TMEM9: variants seen among roughly 807,000 people sequenced by gnomAD.
The protein encoded by TMEM9 is transmembrane protein 9, also known as proton-transporting V-type ATPase complex assembly regulator TMEM9.
A neutral mutation model predicts 22.8 loss-of-function variants in TMEM9; 13 were observed. The observed-to-expected ratio is 0.57, with a 90% CI of 0.37 to 0.91. The LOEUF is 0.91. Among genes scored for constraint, TMEM9 ranks in the 40% least tolerant of loss-of-function variants. The pLI is 0.01. For missense variants in TMEM9, 182 were observed against 238.1 expected (o/e 0.76, Z 1.55); for synonymous variants, 88 against 93.0 (o/e 0.95, Z 0.31).
intron 4 of TMEM9, among the ~76,000 whole-genome samples, chr1:201,141,126 A>G (rs2102235115): frequency 6.6e-6 from 1 of 152,236 alleles, no homozygotes; most frequent in South Asian, 2.1e-4. Flanking sequence ...TAACACAACG[A>G]GAAGGGTAAC....
At chr1:201,148,544 TTC>T (rs1262734306) in intron 2 of TMEM9, among the ~76,000 whole-genome samples, 1 of 152,244 alleles carries the variant, frequency 6.6e-6, no homozygotes, top group East Asian at 1.9e-4. Context: ...GCCCGTTCTC[TTC>T]TCTTTGAGAT....
chr1:201,143,520 A>G (rs1664705019), intron 4 of TMEM9, among the ~76,000 whole-genome samples: 1 of 152,184 alleles, frequency 6.6e-6, no homozygotes, highest in African/African-American at 2.4e-5. Context: ...TATCATGTGT[A>G]TCTATGTGTG....
intron 4 of TMEM9, among the ~76,000 whole-genome samples, chr1:201,138,384 T>G (rs1664195004): frequency 6.6e-6 from 1 of 152,194 alleles, no homozygotes; most frequent in Admixed American, 6.5e-5. Flanking sequence ...AATAGTCTGA[T>G]TAAAAGGTAT....
chr1:201,151,248 G>A (rs1333727273), intron 2 of TMEM9, among the ~76,000 whole-genome samples: 1 of 152,118 alleles, frequency 6.6e-6, no homozygotes, highest in Non-Finnish European at 1.5e-5. Flanking sequence ...AATGAATTCT[G>A]GGTTATTCTT....
chr1:201,157,466 A>G (rs1316088126), upstream of TMEM9, among the ~76,000 whole-genome samples: 1 of 152,294 alleles, frequency 6.6e-6, no homozygotes, highest in East Asian at 1.9e-4. Flanking sequence ...TTGCAGCCCA[A>G]TCTTTGAGGC....
chr1:201,144,676 G>A (rs981903775), intron 3 of TMEM9: 1 of 152,200 alleles, frequency 6.6e-6, no homozygotes, highest in Non-Finnish European at 1.5e-5. Flanking sequence ...GGGTGCTCTG[G>A]GATTTTGGGT....
At chr1:201,142,795 C>A (rs1664644392) in intron 4 of TMEM9, among the ~76,000 whole-genome samples, 1 of 152,242 alleles carries the variant, frequency 6.6e-6, no homozygotes, top group Non-Finnish European at 1.5e-5. Flanking sequence ...GCAGCCCGCT[C>A]TGCTGTCTCA....
intron 2 of TMEM9, among the ~76,000 whole-genome samples, chr1:201,148,292 G>A (rs1038576802): frequency 2.0e-5 from 3 of 152,192 alleles, no homozygotes; most frequent in Admixed American, 6.5e-5. Context: ...CCTCAGTGGG[G>A]CCTGGGCTGG....
intron 4 of TMEM9, among the ~76,000 whole-genome samples, chr1:201,140,083 G>C (rs1007704801): frequency 6.6e-6 from 1 of 152,248 alleles, no homozygotes; most frequent in African/African-American, 2.4e-5. Flanking sequence ...TGTGCAGACA[G>C]GAGGGGAGAC....
chr1:201,152,090 A>G (rs1393821889), intron 1 of TMEM9, among the ~76,000 whole-genome samples: 1 of 152,198 alleles, frequency 6.6e-6, no homozygotes, highest in South Asian at 2.1e-4. Context: ...AGACTCACAG[A>G]AAGTTGTCTA....
chr1:201,137,159 G>A (rs1185289413), intron 4 of TMEM9, among the ~76,000 whole-genome samples: 2 of 152,244 alleles, frequency 1.3e-5, no homozygotes, highest in East Asian at 1.9e-4. Flanking sequence ...CTCAGGCAAC[G>A]CCTGAAAGGC....
chr1:201,140,637 C>T (rs1664441454), intron 4 of TMEM9, among the ~76,000 whole-genome samples: 1 of 152,064 alleles, frequency 6.6e-6, no homozygotes, highest in Non-Finnish European at 1.5e-5. Context: ...ACCAAGGGGT[C>T]CCTAACCCTG....
chr1:201,153,678 G>A, intron 1 of TMEM9, 180 bp downstream of exon 1: 2 of 1,438,126 alleles, frequency 1.4e-6, no homozygotes, highest in Non-Finnish European at 9.5e-7. Flanking sequence ...CTCCTCACCC[G>A]CACTATCCTT....
chr1:201,135,595 C>T lies in TMEM9; in HGVS notation c.*68G>A, dbSNP rs1358463093. 5 of 1,445,066 alleles carry T rather than the reference C, an allele frequency of 3.5e-6. No individual in the cohort carries two copies. The highest frequency in any genetic ancestry group is 2.6e-5 in the East Asian group (1 of 38,672). 89.5% of individuals were successfully genotyped at this position (1,445,066 alleles called of 1,614,324 possible). ...AACCGAGGGAAGGGAGAAGTAGCCCCCTGCTTTGTCCAGCCTGGAAGCTGG... is the reference window on the plus strand; with the variant it reads ...AACCGAGGGAAGGGAGAAGTAGCCCTCTGCTTTGTCCAGCCTGGAAGCTGG... On this transcript the variant is annotated 3_prime_UTR_variant, in exon 5 of 5. Transcript: ENST00000367330.
Position 201,151,763 on chromosome 1 carries a change from G to C in TMEM9, c.156C>G (p.Asp52Glu), listed in dbSNP as rs1181691907. 12 of 1,613,448 alleles carry C rather than the reference G, an allele frequency of 7.4e-6. No homozygotes were observed. The highest frequency in any genetic ancestry group is 1.0e-5 in the Non-Finnish European group (12 of 1,179,418). Reference protein sequence around the residue: ...HIYNQNVSQKDCNCLHVVEPM... With the variant: ...HIYNQNVSQKECNCLHVVEPM... Reference sequence around the variant, plus strand: ...GGGGCCTGCGTGTAATGCCTTACCAGTCCTTCTGGGATACATTCTGGTTGT... The same window carrying C: ...GGGGCCTGCGTGTAATGCCTTACCACTCCTTCTGGGATACATTCTGGTTGT... Residue 52 changes from aspartate to glutamate, a missense_variant and splice_region_variant, in exon 2 of 5, where the codon GAC becomes GAG. Transcript: ENST00000367330.
chr1:201,169,209 G>A (rs551001349), intron 1 of TMEM9, among the ~76,000 whole-genome samples: 6 of 152,242 alleles, frequency 3.9e-5, no homozygotes, highest in African/African-American at 1.4e-4. Context: ...GATACTGTAA[G>A]GTTGAAATGA....
chr1:201,169,942 G>T (rs1666172017), intron 1 of TMEM9, among the ~76,000 whole-genome samples: 1 of 152,128 alleles, frequency 6.6e-6, no homozygotes, highest in Admixed American at 6.5e-5. Context: ...AAGCTAGGTG[G>T]TGTTACATAT....
intron 3 of TMEM9, 140 bp from the exon 4 acceptor site, chr1:201,144,091 G>A: frequency 1.2e-6 from 1 of 853,540 alleles, no homozygotes; most frequent in Admixed American, 2.3e-5. Context: ...GGCAACGTGG[G>A]CTCAGAGGGA....
At chr1:201,137,609 A>G (rs1664123549) in intron 4 of TMEM9, among the ~76,000 whole-genome samples, 1 of 152,130 alleles carries the variant, frequency 6.6e-6, no homozygotes, top group African/African-American at 2.4e-5. Context: ...AATCCTGGTC[A>G]TGACTCACAG....
Sources: gnomAD v4.1 joint callset for allele counts (sites outside exome capture counted in the v4.1 genomes callset) on GRCh38, gnomAD v4.1.1 for gene constraint, MANE v1.5 for transcripts, NCBI Gene and HGNC (gene_info 2026-07-23, HGNC 2026-07-21) for gene names.